Variants in STX17 observed in about 807,000 individuals in gnomAD.
STX17 encodes the protein syntaxin 17.
Under a neutral mutation model 35.9 loss-of-function variants are expected in STX17, and 29 were observed. The ratio of observed to expected loss-of-function variants is 0.81; its 90% CI spans 0.60 to 1.10. The LOEUF (loss-of-function observed/expected upper bound fraction) is 1.10. Ranked by LOEUF, STX17 falls within the 50% of genes least tolerant of loss-of-function variation. The pLI, the probability that STX17 is intolerant of heterozygous loss-of-function variation, is 0.00. For synonymous variants in STX17, 92 were observed against 118.3 expected, an observed-to-expected ratio of 0.78 and a Z score of 1.44; for missense variants, 312 against 352.3, an observed-to-expected ratio of 0.89 and a Z score of 0.92.
chr9:99,931,367 C>A (rs1185058067), intron 3 of STX17, among the ~76,000 whole-genome samples: 1 of 151,946 alleles, frequency 6.6e-6, no homozygotes, highest in Non-Finnish European at 1.5e-5. Flanking sequence ...CCCTGGTATT[C>A]TGAAATTTGA....
intron 3 of STX17, among the ~76,000 whole-genome samples, chr9:99,948,767 C>G (rs1423833634): frequency 6.6e-6 from 1 of 151,940 alleles, no homozygotes; most frequent in Non-Finnish European, 1.5e-5. Flanking sequence ...TTTTCTTTCT[C>G]TCCCTCAAAA....
intron 3 of STX17, among the ~76,000 whole-genome samples, chr9:99,932,124 T>C (rs10819711): frequency 0.43 from 64,938 of 151,764 alleles, 15,105 homozygotes; most frequent in East Asian, 0.7. Flanking sequence ...ACTTTTGGGC[T>C]TTATTCAGTA....
chr9:99,932,102 G>A (rs995189198), intron 3 of STX17, among the ~76,000 whole-genome samples: 12 of 152,142 alleles, frequency 7.9e-5, no homozygotes, highest in Non-Finnish European at 1.8e-4. Flanking sequence ...TATAGAGGCA[G>A]ATTAGATAAA....
chr9:99,944,512 A>C (rs1171995920), intron 3 of STX17, among the ~76,000 whole-genome samples: 2 of 135,428 alleles, frequency 1.5e-5, no homozygotes, highest in African/African-American at 2.9e-5. Context: ...ATTCAGGTCA[A>C]AGCATTTTTT....
chr9:99,955,266 A>G (rs901898980), intron 4 of STX17, among the ~76,000 whole-genome samples: 15 of 152,146 alleles, frequency 9.9e-5, no homozygotes, highest in African/African-American at 3.6e-4. Context: ...CAGCGTATTG[A>G]ATTTGATGAA....
At chr9:99,937,676 C>G (rs1829263973) in intron 3 of STX17, among the ~76,000 whole-genome samples, 1 of 151,980 alleles carries the variant, frequency 6.6e-6, no homozygotes, top group Non-Finnish European at 1.5e-5. Flanking sequence ...ATTTTTATAT[C>G]TTTTTCTACT....
At chr9:99,952,844 C>T (rs1829630206) in intron 4 of STX17, among the ~76,000 whole-genome samples, 1 of 136,540 alleles carries the variant, frequency 7.3e-6, no homozygotes, top group Non-Finnish European at 1.5e-5. Flanking sequence ...AACACATGGA[C>T]ACAGGAAGGG....
chr9:99,951,227 A>G lies in STX17; in HGVS notation c.357A>G (p.Gln119=). 6.2e-7 allele frequency: 1 copy of G among 1,613,058 alleles called. No individual in the cohort carries two copies. The highest frequency in any genetic ancestry group is 8.5e-7 in the Non-Finnish European group (1 of 1,179,180). ...AATCTGTAGAAGAACTTAAGAAGCA[A>G]TTTAATGATGAAGAAACTTTGCTAC... ...HLESVEELKK[Q]FNDEETLLQP... Residue 119 remains glutamine (Q), a synonymous_variant, in exon 4 of 8, where the codon CAA becomes CAG. Coordinates refer to ENST00000259400, the MANE Select transcript of STX17 (RefSeq NM_017919.3).
intron 3 of STX17, among the ~76,000 whole-genome samples, chr9:99,946,458 G>A (rs1456627123): frequency 2.0e-5 from 3 of 152,226 alleles, no homozygotes; most frequent in Admixed American, 6.5e-5. Context: ...TGTATGCCCT[G>A]CAACTTAAAT....
At position 99,968,666 on chromosome 9, in the gene STX17, G is replaced by C; in HGVS notation, c.902G>C (p.Cys301Ser). The C allele has an allele frequency of 6.2e-7, 1 of 1,613,082 alleles. No homozygotes were observed. The highest frequency in any genetic ancestry group is 1.3e-5 in the African/African-American group (1 of 74,940). The change falls in exon 8 of 8, where the codon TGC (cysteine) becomes TCC (serine). Residue 301 changes from cysteine to serine, a missense_variant. Cys to Ser is a moderately radical substitution (Grantham distance 112). Coordinates refer to ENST00000259400, the MANE Select transcript of STX17 (RefSeq NM_017919.3). ...CTTCCCAGCCAAACTGACAAGAAAT[G>C]CAGTTAAAAACCAAATTTCAGTATT... ...PDLPSQTDKK[C>S]S
chr9:99,946,038 G>A (rs776215909), intron 3 of STX17, among the ~76,000 whole-genome samples: 2 of 152,116 alleles, frequency 1.3e-5, no homozygotes, highest in Admixed American at 6.5e-5. Context: ...AGCCAAAATC[G>A]TGCCACTGCA....
At chr9:99,924,303 C>G (rs1257389632) in intron 2 of STX17, among the ~76,000 whole-genome samples, 2 of 152,042 alleles carry the variant, frequency 1.3e-5, no homozygotes, top group African/African-American at 2.4e-5. Flanking sequence ...TGAAAGTGCC[C>G]CAGCATTGTA....
intron 7 of STX17, 48 bp downstream of exon 7, chr9:99,967,787 G>A: frequency 1.9e-6 from 3 of 1,542,584 alleles, no homozygotes; most frequent in Non-Finnish European, 2.7e-6. Flanking sequence ...TGGCTCCCAG[G>A]AATCTCTAGT....
At chr9:99,929,042 C>A in intron 3 of STX17, 199 bp downstream of exon 3, 1 of 493,688 alleles carries the variant, frequency 2.0e-6, no homozygotes, top group Non-Finnish European at 3.6e-6. Flanking sequence ...AAATTTTCCT[C>A]CAGAAATGAT....
intron 3 of STX17, among the ~76,000 whole-genome samples, chr9:99,936,486 C>T (rs1003691540): frequency 6.6e-6 from 1 of 152,114 alleles, no homozygotes; most frequent in African/African-American, 2.4e-5. Flanking sequence ...AAATTAAAAA[C>T]AACTTCTCTT....
At chr9:99,940,470 C>CTTTTT (rs71498721) in intron 3 of STX17, among the ~76,000 whole-genome samples, 2 of 107,738 alleles carry the variant, frequency 1.9e-5, no homozygotes, top group Non-Finnish European at 3.8e-5. Context: ...TAGAATTTTA[C>CTTTTT]TTTTTTTTTT....
At chr9:99,936,969 C>T (rs72746325) in intron 3 of STX17, among the ~76,000 whole-genome samples, 1,874 of 152,108 alleles carry the variant, frequency 0.012, 22 homozygotes, top group Middle Eastern at 0.041. Flanking sequence ...TCTGCTGTGA[C>T]GAATACTTTG....
chr9:99,961,457 G>A (rs1829824649), intron 6 of STX17, among the ~76,000 whole-genome samples: 1 of 152,200 alleles, frequency 6.6e-6, no homozygotes, highest in African/African-American at 2.4e-5. Flanking sequence ...GGGTGTCAGT[G>A]ATACTGTTAA....
At chr9:99,926,606 T>A (rs945356212) in intron 2 of STX17, among the ~76,000 whole-genome samples, 3 of 152,042 alleles carry the variant, frequency 2.0e-5, no homozygotes, top group African/African-American at 7.2e-5. Flanking sequence ...CCTGCCATTC[T>A]CCTGCCTCAG....
Sources: gnomAD v4.1 joint callset for allele counts (sites outside exome capture counted in the v4.1 genomes callset) on GRCh38, gnomAD v4.1.1 for gene constraint, MANE v1.5 for transcripts, NCBI Gene and HGNC (gene_info 2026-07-23, HGNC 2026-07-21) for gene names.